WDFY4: variants seen among roughly 807,000 people sequenced by gnomAD.
WDFY4 encodes the protein WDFY family member 4.
Under a neutral mutation model 351.9 loss-of-function variants are expected in WDFY4, and 169 were observed. That is an observed-to-expected ratio of 0.48 (90% CI 0.42 to 0.55). The LOEUF (loss-of-function observed/expected upper bound fraction) is 0.55, where lower values mean the gene tolerates loss of function less well. Ranked by LOEUF, WDFY4 falls within the 20% of genes least tolerant of loss-of-function variation. The pLI is 0.00. For missense variants in WDFY4, 3,803 were observed against 3,935.6 expected, an observed-to-expected ratio of 0.97 and a Z score of 0.90; for synonymous variants, 1,622 against 1,574.6, an observed-to-expected ratio of 1.03 and a Z score of -0.71.
Position 48,828,827 on chromosome 10 carries a change from C to T in WDFY4, c.6271C>T (p.His2091Tyr). 3 of 1,547,808 alleles carry T rather than the reference C, an allele frequency of 1.9e-6. No individual in the cohort carries two copies. Among genetic ancestry groups the T allele is most frequent in the South Asian group, 1.2e-5 (1 of 83,716 alleles). The change falls in exon 37 of 62, where the codon CAT (histidine) becomes TAT (tyrosine). Residue 2091 changes from histidine (H) to tyrosine (Y), a missense_variant. By Grantham distance (83) the His-to-Tyr change is moderately conservative. Coordinates refer to ENST00000325239, the MANE Select transcript of WDFY4 (RefSeq NM_001394531.1). The stretch of plus-strand genomic sequence containing the variant: ...GCCCAAGCCTAGAATGTCTACTTAT[C>T]ATCAAGTCTTCCTTTCCCCAAATGA... ...LEPKPRMSTYHQVFLSPNEDV... is the reference protein window; with the variant it reads ...LEPKPRMSTYYQVFLSPNEDV...
At chr10:48,780,982 G>A (rs567626784) in intron 19 of WDFY4, among the ~76,000 whole-genome samples, 1 of 152,186 alleles carries the variant, frequency 6.6e-6, no homozygotes, top group South Asian at 2.1e-4. Context: ...ACATACACAG[G>A]GTTTCTGGAT....
At chr10:48,887,598 G>A (rs2070514849) in intron 43 of WDFY4, among the ~76,000 whole-genome samples, 1 of 152,104 alleles carries the variant, frequency 6.6e-6, no homozygotes, top group African/African-American at 2.4e-5. Context: ...CTAACACGGT[G>A]AAACCCCATC....
At chr10:48,922,221 T>A (rs1839146970) in intron 47 of WDFY4, among the ~76,000 whole-genome samples, 1 of 152,112 alleles carries the variant, frequency 6.6e-6, no homozygotes, top group Non-Finnish European at 1.5e-5. Context: ...CTGTTCTGAG[T>A]AGTATGAGGA....
rs185683368 is a variant in WDFY4, at chr10:48,905,780, C to T, written c.7586+3917C>T. Among the ~76,000 whole-genome samples, 454 of 152,344 alleles carry T rather than the reference C, an allele frequency of 3.0e-3. 2 individuals carry two copies. The highest frequency in any genetic ancestry group is 0.01 in the African/African-American group (436 of 41,588). On this transcript the variant is annotated intron_variant, in intron 47 of 61. Transcript: ENST00000325239. ...CAAGACTGTGCTAAATAAACAGCCC[C>T]GGGCTTCAGGATCAAGCTGATTTGG... is the stretch of plus-strand genomic sequence containing the variant.
Position 48,709,725 on chromosome 10 carries a change from G to T in WDFY4, c.-8G>T. On this transcript the variant is annotated 5_prime_UTR_variant, in exon 2 of 62. Transcript: ENST00000325239. ...TTTGTTCTGAATTCAGATCTGCTTT[G>T]CCACGGCATGGAGGCAGAAGATCTT... The T allele has an allele frequency of 2.6e-6, 4 of 1,551,838 alleles. No homozygotes were observed. The highest frequency in any genetic ancestry group is 3.5e-6 in the Non-Finnish European group (4 of 1,146,952).
At chr10:48,823,760 G>A in intron 35 of WDFY4, 4 of 991,364 alleles carry the variant, frequency 4.0e-6, no homozygotes, top group Non-Finnish European at 4.8e-6. Flanking sequence ...GCTTTCAGGG[G>A]GACCAGGCCT....
intron 12 of WDFY4, among the ~76,000 whole-genome samples, chr10:48,756,869 G>A (rs1287367490): frequency 6.6e-6 from 1 of 151,992 alleles, no homozygotes; most frequent in Non-Finnish European, 1.5e-5. Flanking sequence ...TTGCACCTAT[G>A]TTCATTAGGT....
At chr10:48,714,515 G>A (rs2063847533) in intron 2 of WDFY4, among the ~76,000 whole-genome samples, 1 of 152,198 alleles carries the variant, frequency 6.6e-6, no homozygotes, top group Non-Finnish European at 1.5e-5. Flanking sequence ...CAAGAGCCTT[G>A]GGGTTTGGTC....
chr10:48,772,698 A>T (rs111974144), intron 13 of WDFY4, among the ~76,000 whole-genome samples: 15 of 132,810 alleles, frequency 1.1e-4, no homozygotes, highest in African/African-American at 2.7e-4. Context: ...CCTCCCCCTT[A>T]CCCCCACCCC....
chr10:48,887,507 G>A (rs544165408), intron 43 of WDFY4, among the ~76,000 whole-genome samples: 1 of 152,276 alleles, frequency 6.6e-6, no homozygotes, highest in South Asian at 2.1e-4. Context: ...GGCCAGGCGC[G>A]GTGGCTCACG....
At chr10:48,789,042 T>G (rs1251039769) in intron 21 of WDFY4, among the ~76,000 whole-genome samples, 5 of 152,196 alleles carry the variant, frequency 3.3e-5, no homozygotes, top group Non-Finnish European at 7.3e-5. Context: ...TTAATTTTAA[T>G]TTTTTATTTT....
In WDFY4 at chr10:48,709,748, C is replaced by A; in HGVS notation, c.16C>A (p.Leu6Ile). The change falls in exon 2 of 62, where the codon CTT (leucine) becomes ATT (isoleucine). Residue 6 changes from leucine (L) to isoleucine (I), a missense_variant. By Grantham distance (5) the Leu-to-Ile change is conservative. This residue lies in a region of WDFY4 where 488 missense variants were observed against 456.8 expected (regional missense o/e 1.07). Transcript: ENST00000325239. MEAED[L>I]SKAEDRNEDP... Reference sequence around the variant, plus strand: ...TTGCCACGGCATGGAGGCAGAAGATCTTTCAAAGGCTGAAGACAGAAATGA... The same window carrying A: ...TTGCCACGGCATGGAGGCAGAAGATATTTCAAAGGCTGAAGACAGAAATGA... 6.4e-7 allele frequency: 1 copy of A among 1,552,038 alleles called. No homozygotes were observed. Among genetic ancestry groups the A allele is most frequent in the Admixed American group, 2.0e-5 (1 of 51,010 alleles).
intron 12 of WDFY4, among the ~76,000 whole-genome samples, chr10:48,749,783 G>A (rs546293657): frequency 5.9e-5 from 9 of 152,274 alleles, no homozygotes; most frequent in African/African-American, 2.2e-4. Flanking sequence ...CTACAACTGG[G>A]TCTGTGTATA....
chr10:48,767,341 T>C (rs553605429), intron 13 of WDFY4, among the ~76,000 whole-genome samples: 6 of 152,358 alleles, frequency 3.9e-5, no homozygotes, highest in African/African-American at 1.4e-4. Flanking sequence ...GCCTGCTCCC[T>C]TCCCTTCTAG....
intron 1 of WDFY4, among the ~76,000 whole-genome samples, chr10:48,686,518 T>C (rs1459310994): frequency 1.3e-5 from 2 of 152,198 alleles, no homozygotes; most frequent in East Asian, 1.9e-4. Context: ...GGGTTTATTG[T>C]TCCCTTGCTT....
chr10:48,918,184 GCAAA>G (rs1838724622), intron 47 of WDFY4, among the ~76,000 whole-genome samples: 1 of 152,076 alleles, frequency 6.6e-6, no homozygotes, highest in African/African-American at 2.4e-5. Flanking sequence ...AACAGAAGGA[GCAAA>G]CAGACAACAA....
At chr10:48,947,060 A>G (rs1231105580) in intron 51 of WDFY4, 91 bp downstream of exon 51, 4 of 1,075,528 alleles carry the variant, frequency 3.7e-6, no homozygotes, top group African/African-American at 3.2e-5. Flanking sequence ...GCTTGAACAA[A>G]GACAGGATGC....
intron 45 of WDFY4, among the ~76,000 whole-genome samples, chr10:48,899,686 A>T (rs74908524): frequency 5.1e-4 from 78 of 152,318 alleles, no homozygotes; most frequent in Middle Eastern, 3.4e-3. Flanking sequence ...AAAAAAAAGA[A>T]AAGATAGTTA....
At chr10:48,975,951 C>G (rs1171362544) in intron 58 of WDFY4, among the ~76,000 whole-genome samples, 3 of 152,162 alleles carry the variant, frequency 2.0e-5, no homozygotes, top group Non-Finnish European at 4.4e-5. Flanking sequence ...GAAGCCTTCA[C>G]CTGGGAGAAT....
Sources: gnomAD v4.1 joint callset for allele counts (sites outside exome capture counted in the v4.1 genomes callset) on GRCh38, gnomAD v4.1.1 for gene constraint, gnomAD v4.1.1 regional missense constraint, MANE v1.5 for transcripts, NCBI Gene and HGNC (gene_info 2026-07-23, HGNC 2026-07-21) for gene names.